PSMA1: variants seen among roughly 807,000 people sequenced by gnomAD.
PSMA1 encodes proteasome subunit alpha type-1.
In PSMA1, 3 loss-of-function variants were observed where a neutral mutation model predicts 38.4. The observed-to-expected ratio is 0.08, with a 90% CI of 0.04 to 0.20. The LOEUF is 0.20. Among genes scored for constraint, PSMA1 ranks in the 10% least tolerant of loss-of-function variants. The probability of loss-of-function intolerance (pLI) is 1.00; values close to 1 mark genes in which losing one functional copy is unlikely to be tolerated. For missense variants in PSMA1, 227 were observed against 325.3 expected (o/e 0.70, Z 2.32); for synonymous variants, 101 against 107.1 (o/e 0.94, Z 0.35).
intron 2 of PSMA1, among the ~76,000 whole-genome samples, chr11:14,557,241 A>C (rs563183910): frequency 6.6e-6 from 1 of 151,696 alleles, no homozygotes; most frequent in Admixed American, 6.6e-5. Flanking sequence ...TTTATCTTTT[A>C]ATTTTTCTTT....
intron 3 of PSMA1, 54 bp downstream of exon 3, chr11:14,517,826 G>T (rs1366481205): frequency 6.6e-7 from 1 of 1,517,546 alleles, no homozygotes; most frequent in Non-Finnish European, 8.9e-7. Flanking sequence ...TATTTTCTAT[G>T]GTGAAATTTA....
At chr11:14,626,435 T>C (rs902993683) in intron 1 of PSMA1, among the ~76,000 whole-genome samples, 48 of 152,348 alleles carry the variant, frequency 3.2e-4, no homozygotes, top group African/African-American at 1.0e-3. Context: ...CCGTATCTTA[T>C]GTAACTAGAA....
At chr11:14,523,445 A>AT (rs1211836410), upstream of PSMA1, among the ~76,000 whole-genome samples, 1 of 151,396 alleles carries the variant, frequency 6.6e-6, no homozygotes, top group South Asian at 2.1e-4. Context: ...TAATTTTAAA[A>AT]TTTTTTGTAG....
intron 2 of PSMA1, among the ~76,000 whole-genome samples, chr11:14,603,980 A>G (rs1022911832): frequency 4.6e-5 from 7 of 152,246 alleles, no homozygotes; most frequent in African/African-American, 1.7e-4. Context: ...GTTAGCATAT[A>G]GTCTTCTGTT....
In PSMA1 at chr11:14,627,216, A is replaced by T. The variant is rs568139880; in HGVS notation, c.-165-16065T>A. Among the ~76,000 whole-genome samples the T allele has an allele frequency of 1.5e-4, 23 of 152,328 alleles. 1 individual carries two copies. The South Asian group carries it at 4.8e-3, about 32-fold the overall frequency. ...TAGGGTTTCAAAATTCAAATTTTGA[A>T]TGAACACAGTTTCATCCATAACACT... On this transcript the variant is annotated intron_variant, in intron 1 of 10. Coordinates refer to the PSMA1 transcript ENST00000418988.
At chr11:14,621,309 C>T (rs893949166) in intron 1 of PSMA1, among the ~76,000 whole-genome samples, 1 of 151,716 alleles carries the variant, frequency 6.6e-6, no homozygotes, top group Admixed American at 6.6e-5. Context: ...TTTGAGACCC[C>T]TCCGTCACCC....
intron 2 of PSMA1, among the ~76,000 whole-genome samples, chr11:14,577,807 T>C (rs1454537714): frequency 6.6e-6 from 1 of 152,116 alleles, no homozygotes; most frequent in Admixed American, 6.6e-5. Flanking sequence ...TCCTTAACTA[T>C]TGTGTTAAGG....
chr11:14,540,157 C>A (rs1851757351), intron 2 of PSMA1, among the ~76,000 whole-genome samples: 1 of 152,146 alleles, frequency 6.6e-6, no homozygotes. Context: ...TCTTCACTCC[C>A]TTGTTTTCAG....
chr11:14,517,528 T>C (rs1242608090), intron 4 of PSMA1, 114 bp downstream of exon 4: 1 of 880,186 alleles, frequency 1.1e-6, no homozygotes. Context: ...TTCATAATCT[T>C]AATTTACAAG....
chr11:14,591,806 G>A (rs1590002169), intron 2 of PSMA1, among the ~76,000 whole-genome samples: 1 of 152,296 alleles, frequency 6.6e-6, no homozygotes, highest in South Asian at 2.1e-4. Context: ...CAGGATGTGG[G>A]TGGGGCCAGA....
At chr11:14,522,630 A>T (rs1210382961), upstream of PSMA1, among the ~76,000 whole-genome samples, 1 of 152,142 alleles carries the variant, frequency 6.6e-6, no homozygotes, top group Non-Finnish European at 1.5e-5. Flanking sequence ...CTAGTAAAAA[A>T]ATCTTTTGTT....
rs188101701 is a variant in PSMA1 at position 14,589,853 on chromosome 11, G to A, written c.21+21113C>T. Among the ~76,000 whole-genome samples, 280 of 152,234 alleles carry A rather than the reference G, an allele frequency of 1.8e-3. 1 individual carries two copies. Among genetic ancestry groups the A allele is most frequent in the Non-Finnish European group, 3.2e-3 (216 of 68,016 alleles). ...GGCATCATCCTGCACAGTGTCCAAC[G>A]CTGTACACTCGATTAGGAGGGAGTA... On this transcript the variant is annotated intron_variant, in intron 2 of 10. Transcript: ENST00000418988.
Position 14,510,852 on chromosome 11 carries a change from T to C in PSMA1, c.624+20A>G, listed in dbSNP as rs764514720. ...TAAACTGTAACGTTAATATCTACAA[T>C]TGGAAAAGACAATACTTACCTTTGT... On this transcript the variant is annotated intron_variant, in intron 8 of 9. Transcript: ENST00000396394. 1.9e-6 allele frequency: 3 copies of C among 1,551,138 alleles called. No homozygotes were observed. Among genetic ancestry groups the C allele is most frequent in the Admixed American group, 1.9e-5 (1 of 54,002 alleles).
chr11:14,609,650 A>G (rs769541975), intron 2 of PSMA1, among the ~76,000 whole-genome samples: 1 of 152,164 alleles, frequency 6.6e-6, no homozygotes, highest in Non-Finnish European at 1.5e-5. Context: ...TGGAGGAAAT[A>G]GCAAATGCAA....
At chr11:14,624,975 T>A (rs1218048733) in intron 1 of PSMA1, among the ~76,000 whole-genome samples, 2 of 152,286 alleles carry the variant, frequency 1.3e-5, no homozygotes, top group East Asian at 1.9e-4. Context: ...AGAAGTTAAG[T>A]ACCTTGTTGC....
At chr11:14,575,636 C>T (rs1479280864) in intron 2 of PSMA1, among the ~76,000 whole-genome samples, 5 of 152,190 alleles carry the variant, frequency 3.3e-5, no homozygotes, top group Admixed American at 1.3e-4. Flanking sequence ...ATATGTGCCA[C>T]ATTTTCTTCA....
At chr11:14,598,264 C>T (rs991746943) in intron 2 of PSMA1, among the ~76,000 whole-genome samples, 8 of 152,132 alleles carry the variant, frequency 5.3e-5, no homozygotes, top group Non-Finnish European at 7.4e-5. Context: ...ACTATAAGGT[C>T]CGCTTGGTGC....
intron 2 of PSMA1, among the ~76,000 whole-genome samples, chr11:14,602,461 G>C (rs1396716667): frequency 6.6e-6 from 1 of 151,534 alleles, no homozygotes; most frequent in Non-Finnish European, 1.5e-5. Flanking sequence ...TAGACTTCCA[G>C]AGGTATGAAA....
intron 2 of PSMA1, among the ~76,000 whole-genome samples, chr11:14,607,646 G>A (rs1009473558): frequency 6.6e-6 from 1 of 152,166 alleles, no homozygotes; most frequent in East Asian, 1.9e-4. Flanking sequence ...GGGGGAGCAG[G>A]TGAAGGCAGG....
Sources: allele counts gnomAD v4.1 joint callset (sites outside exome capture counted in the v4.1 genomes callset), GRCh38; gene constraint gnomAD v4.1.1; transcripts MANE v1.5; gene names NCBI Gene and HGNC (gene_info 2026-07-23, HGNC 2026-07-21).